The following IGSF8 variants were observed in gnomAD, a reference collection of about 807,000 sequenced individuals.
The protein encoded by IGSF8 is CD81 partner 3.
A neutral mutation model predicts 55.5 loss-of-function variants in IGSF8; 46 were observed. The observed-to-expected ratio is 0.83, with a 90% CI of 0.65 to 1.06. IGSF8 has a LOEUF of 1.06. IGSF8 is among the 50% of genes least tolerant of loss of function. The probability of loss-of-function intolerance (pLI) is 0.00; values close to 1 mark genes in which losing one functional copy is unlikely to be tolerated. For missense variants in IGSF8, 731 were observed against 832.3 expected (o/e 0.88, Z 1.50); for synonymous variants, 314 against 356.1 (o/e 0.88, Z 1.33).
upstream of IGSF8, among the ~76,000 whole-genome samples, chr1:160,099,164 T>G (rs1161777609): frequency 6.6e-6 from 1 of 151,822 alleles, no homozygotes; most frequent in Non-Finnish European, 1.5e-5. Flanking sequence ...ACTGCACCTC[T>G]GCGCATCGAA....
chr1:160,092,384 A>G lies in IGSF8; in HGVS notation c.1624T>C (p.Tyr542His). 1 of 1,611,778 alleles carries G rather than the reference A, an allele frequency of 6.2e-7. No homozygotes were observed. The highest frequency in any genetic ancestry group is 8.5e-7 in the Non-Finnish European group (1 of 1,178,092). The change falls in exon 5 of 7, where the codon TAC becomes CAC. Residue 542 changes from tyrosine (Y) to histidine (H), a missense_variant. Transcript: ENST00000314485. ...ACCCAGGCGCTGGGGGCACAGTGGT[A>G]CACGCCTTCATCCTCGGGCCCCAAG... ...HSLGPEDEGV[Y>H]HCAPSAWVQH...
rs77736536 is a variant in IGSF8 at position 160,093,457 on chromosome 1, G to A, written c.905-126C>T. On this transcript the variant is annotated intron_variant, in intron 3 of 6. Coordinates refer to ENST00000314485, the MANE Select transcript of IGSF8 (RefSeq NM_052868.6). ...AAAACCTCCTGTCTCCCCCTCACTA[G>A]GTATGACCATCTTTCTATTTAGGGG... 8.5e-3 allele frequency: 7,878 copies of A among 927,590 alleles called. 423 individuals are homozygous for A. The African/African-American group carries it at 0.12, about 14-fold the overall frequency. The allele number at this position is 927,590 out of a possible 1,614,324, so 57.5% of individuals were successfully genotyped here. A position where few individuals can be genotyped will look rare whatever the true frequency, so the allele number is the denominator to read the frequency against.
In IGSF8 at chr1:160,094,202, T is replaced by G. The variant is rs776588457; in HGVS notation, c.443-31A>C. The G allele has an allele frequency of 2.1e-6, 3 of 1,451,362 alleles. No individual in the cohort carries two copies. The highest frequency in any genetic ancestry group is 2.8e-6 in the Non-Finnish European group (3 of 1,065,374). 89.9% of individuals were successfully genotyped at this position (1,451,362 alleles called of 1,614,324 possible). A position where few individuals can be genotyped will look rare whatever the true frequency, so the allele number is the denominator to read the frequency against. On this transcript the variant is annotated intron_variant, in intron 2 of 6. Transcript: ENST00000314485. This position sits in a 1 kb window ranked among gnomAD's most constrained non-coding sequence, Gnocchi z 4.0. ...GAGAACAGCTGGAGTGAGGGAGGGC[T>G]GGGAGCTGGCAGCCCTTGTTACTGT...
chr1:160,092,759 G>A (rs547938451), intron 4 of IGSF8, 64 bp from the exon 5 acceptor site: 19 of 1,543,678 alleles, frequency 1.2e-5, no homozygotes, highest in African/African-American at 8.1e-5. Context: ...TAGGGCTGCC[G>A]CCAAGCACCG....
At position 160,093,259 on chromosome 1, in the gene IGSF8, CA is replaced by C. The variant is rs1389441618; in HGVS notation, c.976del (p.Cys326AlafsTer18). The C allele has an allele frequency of 6.2e-7, 1 of 1,613,716 alleles. No individual in the cohort carries two copies. Among genetic ancestry groups the C allele is most frequent in the Non-Finnish European group, 8.5e-7 (1 of 1,179,640 alleles). On this transcript the variant is annotated frameshift_variant, in exon 4 of 7. Transcript: ENST00000314485. LOFTEE classifies it high-confidence loss of function. ...IGPGEPLELL[C>X]NVSGALPPAG... ...TGGGGGAAGTGCCCCTGACACATTG[CA>C]CAGCAGTTCCAAGGGCTCCCCTGGG...
At chr1:160,091,717 T>C in intron 6 of IGSF8, 91 bp downstream of exon 6, 1 of 816,594 alleles carries the variant, frequency 1.2e-6, no homozygotes, top group Non-Finnish European at 2.1e-6. Flanking sequence ...CTACTCCTCC[T>C]CCAGGTGGGG....
chr1:160,094,140 G>A lies in IGSF8; in HGVS notation c.474C>T (p.Ala158=). The A allele has an allele frequency of 1.2e-6, 2 of 1,603,926 alleles. No individual in the cohort carries two copies. Among genetic ancestry groups the A allele is most frequent in the Non-Finnish European group, 1.7e-6 (2 of 1,179,100 alleles). ...VLPDVLQVSA[A]PPGPRGRQAP... is the part of the protein sequence containing the mutation. ...CCTGGCGGCCTCGGGGCCCTGGGGG[G>A]GCAGCAGACACCTGGAGGACATCTG... is the stretch of plus-strand genomic sequence containing the variant. Residue 158 remains alanine, a synonymous_variant, in exon 3 of 7, where the codon GCC becomes GCT. Transcript: ENST00000314485. This position sits in a 1 kb window ranked among gnomAD's most constrained non-coding sequence, Gnocchi z 4.0.
chr1:160,098,271 C>A lies in IGSF8; in HGVS notation c.64+138G>T. 3.1e-6 allele frequency: 4 copies of A among 1,282,252 alleles called. No individual in the cohort carries two copies. In the East Asian group the frequency reaches 1.1e-4, roughly 34 times the overall value. The allele number at this position is 1,282,252 out of a possible 1,614,324, so 79.4% of individuals were successfully genotyped here. On this transcript the variant is annotated intron_variant, in intron 1 of 6. Coordinates refer to ENST00000314485, the MANE Select transcript of IGSF8 (RefSeq NM_052868.6). ...TGGCTCGGCGGACAGCCACAAAGCGCAGCTGGACGCCGACCCCGGGGAGGC... is the reference window on the plus strand; with the variant it reads ...TGGCTCGGCGGACAGCCACAAAGCGAAGCTGGACGCCGACCCCGGGGAGGC...
Position 160,098,493 on chromosome 1 carries a change from G to A in IGSF8, c.-21C>T, listed in dbSNP as rs993753024. On this transcript the variant is annotated 5_prime_UTR_variant, in exon 1 of 7. Coordinates refer to ENST00000314485, the MANE Select transcript of IGSF8 (RefSeq NM_052868.6). ...CCCATCCTGCGCGGCCAGCTCTGGGGAGGCTCCGGGGGATGGCGCGGGTTC... is the reference window on the plus strand; with the variant it reads ...CCCATCCTGCGCGGCCAGCTCTGGGAAGGCTCCGGGGGATGGCGCGGGTTC... 1.0e-5 allele frequency: 16 copies of A among 1,526,672 alleles called. No homozygotes were observed. The highest frequency in any genetic ancestry group is 5.0e-5 in the East Asian group (2 of 39,860). 94.6% of individuals were successfully genotyped at this position (1,526,672 alleles called of 1,614,324 possible).
chr1:160,091,667 G>A (rs767129501), intron 6 of IGSF8, 59 bp from the exon 7 acceptor site: 89 of 638,580 alleles, frequency 1.4e-4, no homozygotes, highest in Middle Eastern at 7.4e-4. Context: ...GCTCCCTCGC[G>A]GCCTCCACCC....
At chr1:160,096,926 T>A (rs1570965839) in intron 1 of IGSF8, among the ~76,000 whole-genome samples, 1 of 152,212 alleles carries the variant, frequency 6.6e-6, no homozygotes, top group East Asian at 1.9e-4. Flanking sequence ...CCCTCCCATT[T>A]TCCTGGCTCC....
In IGSF8 at chr1:160,092,299, A is replaced by C; in HGVS notation, c.1709T>G (p.Val570Gly). 1 of 1,614,082 alleles carries C rather than the reference A, an allele frequency of 6.2e-7. No homozygotes were observed. The highest frequency in any genetic ancestry group is 8.5e-7 in the Non-Finnish European group (1 of 1,179,932). Residue 570 changes from valine to glycine, a missense_variant, in exon 5 of 7, where the codon GTC becomes GGC. Val to Gly is a moderately radical substitution (Grantham distance 109). Transcript: ENST00000314485. Reference protein sequence around the residue: ...AGSARSGPVTVYPYMHALDTL... With the variant: ...AGSARSGPVTGYPYMHALDTL... Reference sequence around the variant, plus strand: ...TCACTCACCATGCATGTAGGGGTAGACTGTAACAGGCCCTGAGCGGGCACT... The same window carrying C: ...TCACTCACCATGCATGTAGGGGTAGCCTGTAACAGGCCCTGAGCGGGCACT...
At chr1:160,099,150 G>A (rs1650673294), upstream of IGSF8, among the ~76,000 whole-genome samples, 1 of 151,712 alleles carries the variant, frequency 6.6e-6, no homozygotes. Context: ...GCAGGAGTGA[G>A]CTAACTGCAC....
In IGSF8 at chr1:160,092,090, A is replaced by G. The variant is rs1649997807; in HGVS notation, c.1727-152T>C. ...CCACAGCCTGCCCCCTCAGCATGCA[A>G]GTCAGCATCAACCACAGAGGACCCC... On this transcript the variant is annotated intron_variant, in intron 5 of 6. Transcript: ENST00000314485. 9.8e-6 allele frequency: 8 copies of G among 819,438 alleles called. No individual in the cohort carries two copies. In the Admixed American group the frequency reaches 1.8e-4, roughly 18 times the overall value. The allele number at this position is 819,438 out of a possible 1,614,324, so 50.8% of individuals were successfully genotyped here. A position where few individuals can be genotyped will look rare whatever the true frequency, so the allele number is the denominator to read the frequency against.
Position 160,093,092 on chromosome 1 carries a change from C to G in IGSF8, c.1144G>C (p.Glu382Gln). The G allele has an allele frequency of 2.5e-6, 4 of 1,614,062 alleles. No individual in the cohort carries two copies. Among genetic ancestry groups the G allele is most frequent in the Non-Finnish European group, 2.5e-6 (3 of 1,179,916 alleles). Residue 382 changes from glutamate (E) to glutamine (Q), a missense_variant, in exon 4 of 7, where the codon GAG becomes CAG. Coordinates refer to ENST00000314485, the MANE Select transcript of IGSF8 (RefSeq NM_052868.6). ...CGGTATGTTCTGGATGCCACCTTCT[C>G]CATGGCAATGTGTCGGCCCTCATAG... ...PGYEGRHIAM[E>Q]KVASRTYRLR...
At position 160,091,625 on chromosome 1, in the gene IGSF8, G is replaced by T. The variant is rs1649957794; in HGVS notation, c.*16-17C>A. 3.4e-6 allele frequency: 2 copies of T among 590,428 alleles called. No individual in the cohort carries two copies. The highest frequency in any genetic ancestry group is 3.0e-5 in the Admixed American group (1 of 33,144). 36.6% of individuals were successfully genotyped at this position (590,428 alleles called of 1,614,324 possible). ...CTGCAAGACCTGAAAAGGGTGCCCG[G>T]TGTGGGCTAAGGACAGAGAGCCCTG... is the stretch of plus-strand genomic sequence containing the variant. On this transcript the variant is annotated splice_polypyrimidine_tract_variant and intron_variant, in intron 6 of 6. Transcript: ENST00000314485.
rs1650366181 is a variant in IGSF8, at chr1:160,095,421, C to G, written c.65-175G>C. On this transcript the variant is annotated intron_variant, in intron 1 of 6. Coordinates refer to ENST00000314485, the MANE Select transcript of IGSF8 (RefSeq NM_052868.6). The stretch of plus-strand genomic sequence containing the variant: ...AAAGGGATGCTGTGATATAAGACAC[C>G]TGGATCTCAAGGAGGTGGCATGGGC... The G allele has an allele frequency of 2.7e-5, 18 of 677,512 alleles. No individual in the cohort carries two copies. The East Asian group carries it at 4.7e-4, about 18-fold the overall frequency. 42.0% of individuals were successfully genotyped at this position (677,512 alleles called of 1,614,324 possible). A position where few individuals can be genotyped will look rare whatever the true frequency, so the allele number is the denominator to read the frequency against.
At chr1:160,097,620 G>A (rs1650521478) in intron 1 of IGSF8, 1 of 916,012 alleles carries the variant, frequency 1.1e-6, no homozygotes, top group African/African-American at 1.8e-5. Context: ...CCTACAGGGA[G>A]CCCTCCAGTT....
chr1:160,094,054 AG>A lies in IGSF8; in HGVS notation c.559del (p.Leu187TrpfsTer70). The A allele has an allele frequency of 6.2e-7, 1 of 1,613,830 alleles. No individual in the cohort carries two copies. Among genetic ancestry groups the A allele is most frequent in the Non-Finnish European group, 8.5e-7 (1 of 1,180,034 alleles). On this transcript the variant is annotated frameshift_variant, in exon 3 of 7. Coordinates refer to ENST00000314485, the MANE Select transcript of IGSF8 (RefSeq NM_052868.6). LOFTEE classifies it high-confidence loss of function. This position sits in a 1 kb window ranked among gnomAD's most constrained non-coding sequence, Gnocchi z 4.0. ...GTGCTTCTGTGTGCTTGTCCTCGCC[AG>A]GCAGCCCAGTGCCAGCTCCTGCCCC... ...HEGQELALGC[L>X]ARTSTQKHTH...
Sources: gnomAD v4.1 joint callset for allele counts (sites outside exome capture counted in the v4.1 genomes callset) on GRCh38, gnomAD v4.1.1 for gene constraint, Gnocchi (gnomAD v3.1) non-coding constraint, MANE v1.5 for transcripts, NCBI Gene and HGNC (gene_info 2026-07-23, HGNC 2026-07-21) for gene names.